The following SLC7A2 variants were observed in gnomAD, a reference collection of about 807,000 sequenced individuals.
SLC7A2 encodes solute carrier family 7 member 2, also known as cationic amino acid transporter 2.
A neutral mutation model predicts 58.9 loss-of-function variants in SLC7A2; 48 were observed. The observed-to-expected ratio is 0.82, with a 90% CI of 0.65 to 1.04. SLC7A2 has a LOEUF of 1.04. Ranked by LOEUF, SLC7A2 falls within the 50% of genes least tolerant of loss-of-function variation. The pLI is 0.00. For synonymous variants in SLC7A2, 363 were observed against 314.5 expected (o/e 1.15, Z -1.63); for missense variants, 1,029 against 818.8 (o/e 1.26, Z -3.13).
chr8:17,549,615 T>G (rs185141275), intron 5 of SLC7A2, among the ~76,000 whole-genome samples: 1 of 152,242 alleles, frequency 6.6e-6, no homozygotes, highest in Non-Finnish European at 1.5e-5. Flanking sequence ...ATTCTCTTAA[T>G]GCTTTAGTAA....
At chr8:17,523,805 A>G (rs1237043503) in intron 2 of SLC7A2, among the ~76,000 whole-genome samples, 2 of 152,196 alleles carry the variant, frequency 1.3e-5, no homozygotes, top group African/African-American at 4.8e-5. Context: ...CAAAAGAAAT[A>G]ATCAGCAGAA....
chr8:17,546,119 T>C (rs1194152889), intron 4 of SLC7A2, among the ~76,000 whole-genome samples: 1 of 152,222 alleles, frequency 6.6e-6, no homozygotes, highest in Non-Finnish European at 1.5e-5. Flanking sequence ...AGCTTAGAAA[T>C]AGAAACCAGT....
intron 2 of SLC7A2, among the ~76,000 whole-genome samples, chr8:17,540,430 C>T (rs1271006541): frequency 6.6e-6 from 1 of 151,958 alleles, no homozygotes; most frequent in South Asian, 2.1e-4. Flanking sequence ...CATGGAGAAC[C>T]TGACTACCCA....
At chr8:17,496,472 G>A (rs953241611), upstream of SLC7A2, among the ~76,000 whole-genome samples, 3 of 152,102 alleles carry the variant, frequency 2.0e-5, no homozygotes, top group African/African-American at 7.2e-5. Flanking sequence ...AAACAATAGC[G>A]CAGTAGGAGA....
At chr8:17,555,545 C>G (rs1261459994) in intron 8 of SLC7A2, among the ~76,000 whole-genome samples, 1 of 151,686 alleles carries the variant, frequency 6.6e-6, no homozygotes, top group Non-Finnish European at 1.5e-5. Flanking sequence ...GTAAATTAAG[C>G]TTTACCCATT....
Position 17,552,043 on chromosome 8 carries a change from G to A in SLC7A2, c.1055+57G>A, listed in dbSNP as rs1585254545. 4.2e-6 allele frequency: 6 copies of A among 1,443,378 alleles called. No individual in the cohort carries two copies. The South Asian group carries it at 4.7e-5, about 11-fold the overall frequency. The allele number at this position is 1,443,378 out of a possible 1,614,324, so 89.4% of individuals were successfully genotyped here. A position where few individuals can be genotyped will look rare whatever the true frequency, so the allele number is the denominator to read the frequency against. ...TTTGGGACTCTACAAAGTAGTCAGT[G>A]TCTAAAAATTTGCTTTTGTCTGTTT... On this transcript the variant is annotated intron_variant, in intron 7 of 12. Coordinates refer to ENST00000494857, the MANE Select transcript of SLC7A2 (RefSeq NM_001370338.1).
At chr8:17,546,768 T>C (rs1802192054) in intron 4 of SLC7A2, among the ~76,000 whole-genome samples, 1 of 152,174 alleles carries the variant, frequency 6.6e-6, no homozygotes, top group South Asian at 2.1e-4. Flanking sequence ...GTGGGTGGTA[T>C]AGATACGGGG....
rs990941420 is a variant in SLC7A2, at chr8:17,563,837, A to C, written c.1780+126A>C. ...CTTCTTTCTTTCCTAATTCTTAGGG[A>C]TGTCCGAGTGCTTTTCCAGATGTTT... On this transcript the variant is annotated intron_variant, in intron 12 of 12. Transcript: ENST00000494857. 4 of 645,284 alleles carry C rather than the reference A, an allele frequency of 6.2e-6. No individual in the cohort carries two copies. The African/African-American group carries it at 7.3e-5, about 12-fold the overall frequency. 40.0% of individuals were successfully genotyped at this position (645,284 alleles called of 1,614,324 possible).
At chr8:17,542,699 A>G (rs1310936880) in intron 2 of SLC7A2, among the ~76,000 whole-genome samples, 1 of 151,958 alleles carries the variant, frequency 6.6e-6, no homozygotes, top group Non-Finnish European at 1.5e-5. Flanking sequence ...TGAAGTAAAG[A>G]GAGACAGAAC....
rs1803338942 is a variant in SLC7A2, at chr8:17,567,914, T to C, written c.*2768T>C. On this transcript the variant is annotated 3_prime_UTR_variant, in exon 13 of 13. Transcript: ENST00000494857. ...CTGTTTACTTGCTGCTGCCACACCT[T>C]TTCCGACTGATCTGTCCTGGTAGGT... is the stretch of plus-strand genomic sequence containing the variant. 1 of 152,120 alleles carries C rather than the reference T, an allele frequency of 6.6e-6. No individual in the cohort carries two copies. The highest frequency in any genetic ancestry group is 2.1e-4 in the South Asian group (1 of 4,828). The allele number at this position is 152,120 out of a possible 1,614,324, so 9.4% of individuals were successfully genotyped here.
intron 2 of SLC7A2, among the ~76,000 whole-genome samples, chr8:17,526,759 T>C (rs1184041440): frequency 1.3e-5 from 2 of 152,138 alleles, no homozygotes; most frequent in African/African-American, 2.4e-5. Context: ...GGAAGAGAAG[T>C]AGCTGATCTC....
intron 8 of SLC7A2, among the ~76,000 whole-genome samples, chr8:17,556,945 GA>G (rs1354022748): frequency 3.9e-5 from 6 of 152,142 alleles, no homozygotes; most frequent in African/African-American, 1.2e-4. Flanking sequence ...TGTGTTAAAA[GA>G]AACACTGTGA....
At chr8:17,531,052 C>A (rs1438205148) in intron 2 of SLC7A2, among the ~76,000 whole-genome samples, 1 of 152,160 alleles carries the variant, frequency 6.6e-6, no homozygotes, top group African/African-American at 2.4e-5. Context: ...CAAATAATTG[C>A]TTCCTCTTCT....
intron 1 of SLC7A2, among the ~76,000 whole-genome samples, chr8:17,498,192 A>G (rs1453886330): frequency 2.0e-5 from 3 of 152,212 alleles, no homozygotes; most frequent in African/African-American, 7.2e-5. Context: ...AGATTTATCT[A>G]GACGTTTGTG....
At chr8:17,519,167 C>CT (rs774286231) in intron 2 of SLC7A2, among the ~76,000 whole-genome samples, 3 of 152,096 alleles carry the variant, frequency 2.0e-5, no homozygotes, top group Non-Finnish European at 4.4e-5. Flanking sequence ...AGTACTTAAC[C>CT]TCTTTAAGCA....
intron 2 of SLC7A2, among the ~76,000 whole-genome samples, chr8:17,536,344 C>T (rs754052755): frequency 2.6e-5 from 4 of 152,082 alleles, no homozygotes; most frequent in Non-Finnish European, 5.9e-5. Flanking sequence ...GAAGGAAGAT[C>T]ACTTGAGGTC....
intron 2 of SLC7A2, chr8:17,538,870 C>A (rs200203123): frequency 2.5e-6 from 4 of 1,613,494 alleles, no homozygotes; most frequent in African/African-American, 1.3e-5. Flanking sequence ...ACTAATTTGT[C>A]GAGGGTTTAT....
chr8:17,529,794 A>G (rs1234406275), intron 2 of SLC7A2, among the ~76,000 whole-genome samples: 1 of 152,008 alleles, frequency 6.6e-6, no homozygotes, highest in Non-Finnish European at 1.5e-5. Flanking sequence ...ACCTTGGCCT[A>G]CCAACATGCT....
intron 2 of SLC7A2, among the ~76,000 whole-genome samples, chr8:17,536,908 C>G (rs773991299): frequency 6.6e-6 from 1 of 152,148 alleles, no homozygotes; most frequent in African/African-American, 2.4e-5. Flanking sequence ...CAAACCATGT[C>G]GGGGAATCTT....
Sources: gnomAD v4.1 joint callset for allele counts (sites outside exome capture counted in the v4.1 genomes callset) on GRCh38, gnomAD v4.1.1 for gene constraint, MANE v1.5 for transcripts, NCBI Gene and HGNC (gene_info 2026-07-23, HGNC 2026-07-21) for gene names.